Variants in WSCD1 observed in about 807,000 individuals in gnomAD.
The protein encoded by WSCD1 is WSC domain sialate O sulfotransferase 1.
In WSCD1, 41 loss-of-function variants were observed where a neutral mutation model predicts 60.4. The observed-to-expected ratio is 0.68, with a 90% confidence interval of 0.53 to 0.88. WSCD1 has a LOEUF of 0.88. WSCD1 is among the 40% of genes least tolerant of loss of function. WSCD1 has a pLI of 0.00. For missense variants in WSCD1, 784 were observed against 796.2 expected, an observed-to-expected ratio of 0.98 and a Z score of 0.18; for synonymous variants, 361 against 332.5, an observed-to-expected ratio of 1.09 and a Z score of -0.93.
At position 6,090,517 on chromosome 17, in the gene WSCD1, A is replaced by G; in HGVS notation, c.727+12A>G. The G allele has an allele frequency of 6.2e-7, 1 of 1,611,658 alleles. No individual in the cohort carries two copies. The highest frequency in any genetic ancestry group is 8.5e-7 in the Non-Finnish European group (1 of 1,179,094). ...GGGCTCCAGGAAGCGTGAGTGTGCC[A>G]GCCTCTTCCTGAGCTTTGTCCGTCT... On this transcript the variant is annotated intron_variant, in intron 4 of 8. Coordinates refer to ENST00000317744, the MANE Select transcript of WSCD1 (RefSeq NM_015253.2).
chr17:6,083,742 G>A (rs1282300179), intron 2 of WSCD1, among the ~76,000 whole-genome samples: 1 of 152,190 alleles, frequency 6.6e-6, no homozygotes, highest in East Asian at 1.9e-4. Context: ...TCGCGCCACT[G>A]CACTCCAGCC....
chr17:6,069,275 G>A (rs1908365886), upstream of WSCD1: 4 of 398,848 alleles, frequency 1.0e-5, no homozygotes, highest in South Asian at 5.1e-4. Context: ...GGCTTTGGGG[G>A]AACAGGGTGG....
At chr17:6,081,568 G>A (rs1256854293) in intron 2 of WSCD1, among the ~76,000 whole-genome samples, 2 of 151,948 alleles carry the variant, frequency 1.3e-5, no homozygotes, top group Non-Finnish European at 2.9e-5. Flanking sequence ...AAAATTAGCC[G>A]GGTGTGGTGG....
chr17:6,084,510 T>A (rs1166837651), intron 2 of WSCD1, among the ~76,000 whole-genome samples: 1 of 152,226 alleles, frequency 6.6e-6, no homozygotes, highest in African/African-American at 2.4e-5. Context: ...TGAAAGGGGA[T>A]CCTGTAAGGC....
chr17:6,094,447 AG>A (rs1031348354), intron 4 of WSCD1, among the ~76,000 whole-genome samples: 1 of 152,196 alleles, frequency 6.6e-6, no homozygotes, highest in African/African-American at 2.4e-5. Context: ...ATCTTCCGGT[AG>A]GACATTGAAT....
At chr17:6,107,563 G>C (rs1336411209) in intron 5 of WSCD1, among the ~76,000 whole-genome samples, 1 of 152,118 alleles carries the variant, frequency 6.6e-6, no homozygotes, top group Admixed American at 6.5e-5. Flanking sequence ...AGGCCCTGGG[G>C]TTAGGACTTC....
intron 5 of WSCD1, among the ~76,000 whole-genome samples, chr17:6,098,218 C>T (rs1371730934): frequency 6.6e-6 from 1 of 152,146 alleles, no homozygotes; most frequent in Non-Finnish European, 1.5e-5. Context: ...GCAATCTGCC[C>T]TCCTTGGCCT....
intron 3 of WSCD1, among the ~76,000 whole-genome samples, chr17:6,088,975 G>A (rs1909843604): frequency 1.3e-5 from 2 of 151,886 alleles, no homozygotes; most frequent in Non-Finnish European, 2.9e-5. Flanking sequence ...GTAGAGATGG[G>A]GTTTCACTGT....
At position 6,098,263 on chromosome 17, in the gene WSCD1, T is replaced by C. The variant is rs570105823; in HGVS notation, c.849+3040T>C. Among the ~76,000 whole-genome samples, 24 of 152,320 alleles carry C rather than the reference T, an allele frequency of 1.6e-4. No homozygotes were observed. In the South Asian group the frequency reaches 4.1e-3, roughly 26 times the overall value. ...CTGGGATTACAAGCATGAGCCACTG[T>C]GCCCGGCTGGTCCAGAGAGTTTGTA... is the stretch of plus-strand genomic sequence containing the variant. On this transcript the variant is annotated intron_variant, in intron 5 of 8. Transcript: ENST00000317744.
chr17:6,116,202 A>C (rs571381034), intron 7 of WSCD1, among the ~76,000 whole-genome samples: 5 of 152,244 alleles, frequency 3.3e-5, no homozygotes, highest in African/African-American at 1.2e-4. Flanking sequence ...CACCTTGTTC[A>C]TCTCCAAGGC....
chr17:6,073,787 C>T (rs1908688387), intron 1 of WSCD1, among the ~76,000 whole-genome samples: 1 of 152,228 alleles, frequency 6.6e-6, no homozygotes, highest in African/African-American at 2.4e-5. Context: ...GACCCAGCCT[C>T]CAGCATGGTG....
At chr17:6,099,334 G>T (rs180757559) in intron 5 of WSCD1, among the ~76,000 whole-genome samples, 55 of 152,136 alleles carry the variant, frequency 3.6e-4, no homozygotes, top group Non-Finnish European at 6.3e-4. Context: ...GGCCAACATG[G>T]TGAAACACTG....
chr17:6,101,699 G>A lies in WSCD1; in HGVS notation c.849+6476G>A, dbSNP rs1910806621. ...GTGAAATGATCTTGTCTAATTTCCT[G>A]TGATCGTATGGAGATGGAAAGAGAC... On this transcript the variant is annotated intron_variant, in intron 5 of 8. Coordinates refer to ENST00000317744, the MANE Select transcript of WSCD1 (RefSeq NM_015253.2). This position sits in a 1 kb window ranked among gnomAD's most constrained non-coding sequence, Gnocchi z 4.1. Among the ~76,000 whole-genome samples, 1 of 152,140 alleles carries A rather than the reference G, an allele frequency of 6.6e-6. No individual in the cohort carries two copies. The highest frequency in any genetic ancestry group is 1.5e-5 in the Non-Finnish European group (1 of 68,016).
intron 5 of WSCD1, among the ~76,000 whole-genome samples, chr17:6,106,396 T>TGCC (rs1160126132): frequency 6.6e-6 from 1 of 152,198 alleles, no homozygotes; most frequent in East Asian, 1.9e-4. Flanking sequence ...ACCAGTGCAT[T>TGCC]CTTGGATGGA....
intron 7 of WSCD1, among the ~76,000 whole-genome samples, chr17:6,111,293 A>G (rs544895468): frequency 4.6e-5 from 7 of 152,312 alleles, no homozygotes; most frequent in South Asian, 2.1e-4. Flanking sequence ...AACCCACACT[A>G]TAGGATACAT....
At chr17:6,094,270 G>C (rs893294630) in intron 4 of WSCD1, among the ~76,000 whole-genome samples, 5 of 152,304 alleles carry the variant, frequency 3.3e-5, no homozygotes, top group Admixed American at 6.5e-5. Context: ...TTGGCAGGAG[G>C]CTTCTTTGTA....
At chr17:6,095,060 T>C in intron 4 of WSCD1, 42 bp from the exon 5 acceptor site, 1 of 1,584,140 alleles carries the variant, frequency 6.3e-7, no homozygotes, top group Non-Finnish European at 8.6e-7. Flanking sequence ...CACCAACAAC[T>C]GGACACCATC....
intron 1 of WSCD1, among the ~76,000 whole-genome samples, chr17:6,072,857 A>G (rs1363170224): frequency 2.6e-5 from 4 of 152,228 alleles, no homozygotes; most frequent in Non-Finnish European, 5.9e-5. Flanking sequence ...GAATGTGGTC[A>G]GGGAGGAACT....
chr17:6,084,528 C>T (rs568966603), intron 2 of WSCD1, among the ~76,000 whole-genome samples: 1 of 152,346 alleles, frequency 6.6e-6, no homozygotes, highest in African/African-American at 2.4e-5. Context: ...GGCGCGGAAG[C>T]TGCAGGAGGC....
Sources: gnomAD v4.1 joint callset for allele counts (sites outside exome capture counted in the v4.1 genomes callset) on GRCh38, gnomAD v4.1.1 for gene constraint, Gnocchi (gnomAD v3.1) non-coding constraint, MANE v1.5 for transcripts, NCBI Gene and HGNC (gene_info 2026-07-23, HGNC 2026-07-21) for gene names.